The following ASF1B variants were observed in gnomAD, a reference collection of about 807,000 sequenced individuals.
ASF1B encodes the protein anti-silencing function 1B histone chaperone, also known as histone chaperone ASF1B.
A neutral mutation model predicts 16.6 loss-of-function variants in ASF1B; 10 were observed. The ratio of observed to expected loss-of-function variants is 0.60; its 90% CI spans 0.37 to 1.02. The LOEUF (loss-of-function observed/expected upper bound fraction) is 1.02. Among genes scored for constraint, ASF1B ranks in the 50% least tolerant of loss-of-function variants. The pLI, the probability that ASF1B is intolerant of heterozygous loss-of-function variation, is 0.01. For missense variants in ASF1B, 240 were observed against 266.0 expected (o/e 0.90, Z 0.68); for synonymous variants, 101 against 106.2 (o/e 0.95, Z 0.30).
At chr19:14,134,893 G>T (rs1268452660) in intron 1 of ASF1B, among the ~76,000 whole-genome samples, 1 of 151,650 alleles carries the variant, frequency 6.6e-6, no homozygotes, top group Non-Finnish European at 1.5e-5. Context: ...CAAAAGCAAC[G>T]GGAGCTTGGC....
At chr19:14,135,607 G>T (rs1303381589) in intron 1 of ASF1B, among the ~76,000 whole-genome samples, 1 of 152,150 alleles carries the variant, frequency 6.6e-6, no homozygotes, top group Non-Finnish European at 1.5e-5. Flanking sequence ...ACACAAATGG[G>T]AAGATGGGGT....
intron 3 of ASF1B, chr19:14,121,178 T>C: frequency 2.6e-6 from 1 of 379,398 alleles, no homozygotes; most frequent in East Asian, 4.3e-5. Flanking sequence ...TGGAATGCAG[T>C]GGCACGATCT....
At chr19:14,126,574 C>T (rs538830487) in intron 1 of ASF1B, among the ~76,000 whole-genome samples, 21 of 152,228 alleles carry the variant, frequency 1.4e-4, no homozygotes, top group African/African-American at 5.1e-4. Flanking sequence ...CAGGTTCAAG[C>T]GATTCTCCTG....
chr19:14,126,553 T>G (rs1025294723), intron 1 of ASF1B, among the ~76,000 whole-genome samples: 1 of 151,952 alleles, frequency 6.6e-6, no homozygotes. Flanking sequence ...CTCACTGCAA[T>G]CTCTGCCTCC....
intron 1 of ASF1B, among the ~76,000 whole-genome samples, chr19:14,127,413 C>T (rs778270750): frequency 1.3e-5 from 2 of 152,190 alleles, no homozygotes; most frequent in Non-Finnish European, 2.9e-5. Context: ...GAAGCAGCAT[C>T]CTCTTTCACA....
chr19:14,120,403 C>A lies in ASF1B; in HGVS notation c.*56G>T. The A allele has an allele frequency of 6.3e-7, 1 of 1,574,896 alleles. No homozygotes were observed. The highest frequency in any genetic ancestry group is 8.7e-7 in the Non-Finnish European group (1 of 1,151,728). On this transcript the variant is annotated 3_prime_UTR_variant, in exon 4 of 4. Coordinates refer to ENST00000263382, the MANE Select transcript of ASF1B (RefSeq NM_018154.3). ...TCCTCTAGATGGGCCCTGCAGGACT[C>A]GCTGGGAGGCCTGGTTGCCCCTCCC...
Position 14,136,481 on chromosome 19 carries a change from A to C in ASF1B, c.-25T>G. The C allele has an allele frequency of 1.2e-6, 2 of 1,606,090 alleles. No individual in the cohort carries two copies. Among genetic ancestry groups the C allele is most frequent in the Non-Finnish European group, 1.7e-6 (2 of 1,174,638 alleles). ...TCGCCTCGCCTCGCCGCGCCGCAGC[A>C]GGGGCAGGGGCTGTGGCTGTGGCGG... On this transcript the variant is annotated 5_prime_UTR_variant, in exon 1 of 4. Transcript: ENST00000263382.
At chr19:14,125,600 TG>T (rs1466452066) in intron 2 of ASF1B, among the ~76,000 whole-genome samples, 1 of 152,240 alleles carries the variant, frequency 6.6e-6, no homozygotes. Context: ...TTGCCCAGGC[TG>T]GAGTGCAGTG....
chr19:14,127,065 G>T (rs548861221), intron 1 of ASF1B, among the ~76,000 whole-genome samples: 1 of 152,350 alleles, frequency 6.6e-6, no homozygotes, highest in African/African-American at 2.4e-5. Context: ...GGGATCACAG[G>T]TGTGGGCTGC....
chr19:14,123,534 C>A (rs2144510354), intron 2 of ASF1B, among the ~76,000 whole-genome samples: 1 of 151,786 alleles, frequency 6.6e-6, no homozygotes, highest in South Asian at 2.1e-4. Flanking sequence ...TGCCCGCCAC[C>A]AGGCCTGGCT....
intron 1 of ASF1B, among the ~76,000 whole-genome samples, chr19:14,129,839 A>G (rs1326416771): frequency 6.7e-6 from 1 of 150,056 alleles, no homozygotes; most frequent in Non-Finnish European, 1.5e-5. Flanking sequence ...TTGAGCTCAG[A>G]AGTTCGAGAT....
At chr19:14,129,992 G>A (rs898156598) in intron 1 of ASF1B, among the ~76,000 whole-genome samples, 3 of 151,702 alleles carry the variant, frequency 2.0e-5, no homozygotes, top group Admixed American at 6.6e-5. Flanking sequence ...GTGACAGAGT[G>A]AGACTCCATC....
rs780071194 is a variant in ASF1B, at chr19:14,120,549, G to GC, written c.518dup (p.Leu174ProfsTer23). ...TGATAGGAGTGCAGTTGAGTGGGAG[G>GC]CCGCAGCCCAGGGAGGGGTCCTGGG... On this transcript the variant is annotated frameshift_variant, in exon 4 of 4. Coordinates refer to ENST00000263382, the MANE Select transcript of ASF1B (RefSeq NM_018154.3). LOFTEE classifies it high-confidence loss of function. The GC allele has an allele frequency of 6.2e-7, 1 of 1,613,654 alleles. No homozygotes were observed. Among genetic ancestry groups the GC allele is most frequent in the South Asian group, 1.1e-5 (1 of 91,048 alleles).
chr19:14,136,223 T>C, intron 1 of ASF1B, 125 bp downstream of exon 1: 1 of 579,612 alleles, frequency 1.7e-6, no homozygotes, highest in Middle Eastern at 3.0e-4. Flanking sequence ...CTGGGGGAGA[T>C]CGGGGTTGGC....
At chr19:14,128,010 G>A (rs562564932) in intron 1 of ASF1B, among the ~76,000 whole-genome samples, 1 of 152,228 alleles carries the variant, frequency 6.6e-6, no homozygotes, top group African/African-American at 2.4e-5. Flanking sequence ...GAGATGAAAG[G>A]AAAGTGCTTA....
At chr19:14,122,079 C>T (rs886294307) in intron 2 of ASF1B, among the ~76,000 whole-genome samples, 5 of 151,806 alleles carry the variant, frequency 3.3e-5, no homozygotes, top group Admixed American at 2.0e-4. Context: ...TACAGGTGCC[C>T]ACCACCATGC....
At chr19:14,130,871 T>C (rs1353256697) in intron 1 of ASF1B, among the ~76,000 whole-genome samples, 1 of 151,816 alleles carries the variant, frequency 6.6e-6, no homozygotes, top group Non-Finnish European at 1.5e-5. Context: ...AAAAGTCTGC[T>C]TCCTGCTTTT....
intron 2 of ASF1B, among the ~76,000 whole-genome samples, chr19:14,123,378 C>CTTTTTTTT (rs74181857): frequency 2.3e-4 from 27 of 119,820 alleles, no homozygotes; most frequent in Non-Finnish European, 3.2e-4. Flanking sequence ...TTTCTTTCTT[C>CTTTTTTTT]TTTTTTTTTT....
At chr19:14,134,348 A>G (rs1418078433) in intron 1 of ASF1B, among the ~76,000 whole-genome samples, 1 of 152,080 alleles carries the variant, frequency 6.6e-6, no homozygotes, top group Non-Finnish European at 1.5e-5. Context: ...TTTAAAAAGG[A>G]GCGAGAGAGA....
Sources: gnomAD v4.1 joint callset for allele counts (sites outside exome capture counted in the v4.1 genomes callset) on GRCh38, gnomAD v4.1.1 for gene constraint, MANE v1.5 for transcripts, NCBI Gene and HGNC (gene_info 2026-07-23, HGNC 2026-07-21) for gene names.